STK32A: variants seen among roughly 807,000 people sequenced by gnomAD.
STK32A encodes serine/threonine-protein kinase 32A.
A neutral mutation model predicts 53.2 loss-of-function variants in STK32A; 41 were observed. The observed-to-expected ratio is 0.77, with a 90% CI of 0.60 to 1.00. The LOEUF (loss-of-function observed/expected upper bound fraction) is 1.00, where lower values mean the gene tolerates loss of function less well. STK32A is among the 50% of genes least tolerant of loss of function. The pLI is 0.00. For synonymous variants in STK32A, 166 were observed against 162.8 expected, an observed-to-expected ratio of 1.02 and a Z score of -0.15; for missense variants, 458 against 485.8, an observed-to-expected ratio of 0.94 and a Z score of 0.54.
chr5:147,365,947 T>G (rs1026673758), intron 8 of STK32A, among the ~76,000 whole-genome samples: 2 of 152,196 alleles, frequency 1.3e-5, no homozygotes, highest in African/African-American at 4.8e-5. Flanking sequence ...TGATTTGATA[T>G]GTCAACTTTG....
the STK32A span, among the ~76,000 whole-genome samples, chr5:147,397,205 T>C: frequency 1.2e-4 from 17 of 140,092 alleles, no homozygotes; most frequent in Admixed American, 3.0e-4. Context: ...CATATCTCTG[T>C]GTGTGTTTAT....
chr5:147,243,791 A>T (rs1167433999), intron 2 of STK32A, among the ~76,000 whole-genome samples: 1 of 129,038 alleles, frequency 7.7e-6, no homozygotes, highest in East Asian at 2.1e-4. Context: ...CATAAATTAG[A>T]TCTCAAATTA....
intron 4 of STK32A, among the ~76,000 whole-genome samples, chr5:147,318,605 A>T (rs1754132720): frequency 6.6e-6 from 1 of 151,522 alleles, no homozygotes; most frequent in Non-Finnish European, 1.5e-5. Context: ...CCTCTACTAA[A>T]AATTAAAAAA....
chr5:147,352,353 T>A lies in STK32A; in HGVS notation c.562+1199T>A, dbSNP rs150788208. ...TGACAATTCAGCATTTACTAAGGGGTGACCAAAAAGAGAGTGTTAGATGCA... is the reference window on the plus strand; with the variant it reads ...TGACAATTCAGCATTTACTAAGGGGAGACCAAAAAGAGAGTGTTAGATGCA... On this transcript the variant is annotated intron_variant, in intron 7 of 12. Coordinates refer to ENST00000397936, the MANE Select transcript of STK32A (RefSeq NM_001112724.2). Among the ~76,000 whole-genome samples the A allele has an allele frequency of 1.5e-4, 23 of 152,270 alleles. No homozygotes were observed. The East Asian group carries it at 4.4e-3, about 29-fold the overall frequency.
chr5:147,330,165 GT>G (rs1754797699), intron 5 of STK32A, among the ~76,000 whole-genome samples: 1 of 152,200 alleles, frequency 6.6e-6, no homozygotes, highest in Admixed American at 6.5e-5. Context: ...CCATTAAGAT[GT>G]CAGCCAGAAC....
At chr5:147,377,365 A>G (rs1489879738) in intron 11 of STK32A, among the ~76,000 whole-genome samples, 1 of 151,838 alleles carries the variant, frequency 6.6e-6, no homozygotes, top group Admixed American at 6.6e-5. Context: ...CATATTCAAG[A>G]CGGTTGTTTT....
At chr5:147,383,210 G>A (rs543804922) in intron 11 of STK32A, 9 of 551,730 alleles carry the variant, frequency 1.6e-5, no homozygotes, top group Non-Finnish European at 2.9e-5. Flanking sequence ...AGTGACATTA[G>A]ACAGATTCTG....
At chr5:147,397,553 A>C in the STK32A span, 1 of 1,157,228 alleles carries the variant, frequency 8.6e-7, no homozygotes, top group Non-Finnish European at 1.2e-6. Context: ...ACTGTCACTG[A>C]ATTTCTCTGT....
chr5:147,369,629 C>A (rs1404426397), intron 8 of STK32A, among the ~76,000 whole-genome samples: 2 of 152,122 alleles, frequency 1.3e-5, no homozygotes, highest in Non-Finnish European at 2.9e-5. Flanking sequence ...TACCTCTTAA[C>A]ACTGATTTAC....
At chr5:147,344,508 G>A (rs1005010830) in intron 6 of STK32A, among the ~76,000 whole-genome samples, 2 of 152,182 alleles carry the variant, frequency 1.3e-5, no homozygotes, top group Admixed American at 6.5e-5. Flanking sequence ...TACAGTGGCA[G>A]GCACCTGTAG....
chr5:147,394,224 T>A, the STK32A span: 3 of 1,196,494 alleles, frequency 2.5e-6, no homozygotes, highest in South Asian at 3.9e-5. Flanking sequence ...GAGTGCAAGA[T>A]ATGAAGTGCC....
the STK32A span, among the ~76,000 whole-genome samples, chr5:147,397,434 AT>A: frequency 1.3e-5 from 2 of 152,192 alleles, no homozygotes; most frequent in African/African-American, 4.8e-5. Flanking sequence ...ATAAAGTACT[AT>A]AAAAATGTGG....
chr5:147,369,121 T>C (rs1015780888), intron 8 of STK32A, among the ~76,000 whole-genome samples: 1 of 152,172 alleles, frequency 6.6e-6, no homozygotes, highest in Non-Finnish European at 1.5e-5. Context: ...ATTGAGTTAA[T>C]GAGTTATTTC....
At chr5:147,274,110 G>T (rs997295046) in intron 2 of STK32A, among the ~76,000 whole-genome samples, 1 of 152,166 alleles carries the variant, frequency 6.6e-6, no homozygotes, top group Admixed American at 6.5e-5. Flanking sequence ...ACATTAAGGT[G>T]CATTCAGCTT....
At chr5:147,262,760 C>T (rs534441426) in intron 2 of STK32A, among the ~76,000 whole-genome samples, 98 of 152,196 alleles carry the variant, frequency 6.4e-4, no homozygotes, top group Non-Finnish European at 9.3e-4. Context: ...TCACTATCAA[C>T]GTTGCAGAAA....
chr5:147,325,313 TTATA>T (rs71868616), intron 5 of STK32A, among the ~76,000 whole-genome samples: 3 of 147,524 alleles, frequency 2.0e-5, no homozygotes, highest in African/African-American at 2.5e-5. Context: ...TTTTAAACCT[TTATA>T]TATATATATA....
intron 4 of STK32A, among the ~76,000 whole-genome samples, chr5:147,284,691 C>CAAAAAAAAAAAAAAAAAAAA (rs1401748709): frequency 4.9e-5 from 3 of 61,418 alleles, no homozygotes; most frequent in Non-Finnish European, 7.2e-5. Flanking sequence ...CAAAACAAGA[C>CAAAAAAAAAAAAAAAAAAAA]AAAACAAAAA....
At chr5:147,301,484 C>T (rs1581061374) in intron 4 of STK32A, among the ~76,000 whole-genome samples, 1 of 152,078 alleles carries the variant, frequency 6.6e-6, no homozygotes, top group African/African-American at 2.4e-5. Flanking sequence ...AGAAAAGATT[C>T]TTGAGTGGAC....
At chr5:147,312,463 A>C (rs1251653377) in intron 4 of STK32A, among the ~76,000 whole-genome samples, 2 of 152,330 alleles carry the variant, frequency 1.3e-5, no homozygotes, top group African/African-American at 4.8e-5. Flanking sequence ...TTTACTGCCC[A>C]AAAGAGCTAC....
Sources: allele counts gnomAD v4.1 joint callset (sites outside exome capture counted in the v4.1 genomes callset), GRCh38; gene constraint gnomAD v4.1.1; transcripts MANE v1.5; gene names NCBI Gene and HGNC (gene_info 2026-07-23, HGNC 2026-07-21).